Variants in RFX1 observed in about 807,000 individuals in gnomAD.
The protein encoded by RFX1 is regulatory factor X1, also known as MHC class II regulatory factor RFX1.
In RFX1, 42 loss-of-function variants were observed where a neutral mutation model predicts 119.6. That is an observed-to-expected ratio of 0.35 (90% CI 0.27 to 0.45). The LOEUF (loss-of-function observed/expected upper bound fraction) is 0.45. RFX1 is among the 20% of genes least tolerant of loss of function. RFX1 has a pLI of 1.00. For synonymous variants in RFX1, 628 were observed against 618.5 expected (o/e 1.02, Z -0.23); for missense variants, 1,118 against 1,368.1 (o/e 0.82, Z 2.88).
At chr19:13,977,542 G>A (rs891544102) in intron 8 of RFX1, among the ~76,000 whole-genome samples, 4 of 151,600 alleles carry the variant, frequency 2.6e-5, no homozygotes, top group African/African-American at 9.7e-5. Context: ...TCAGCCTCCC[G>A]AGTAGCTGGA....
intron 1 of RFX1, among the ~76,000 whole-genome samples, chr19:13,996,157 G>A (rs539372873): frequency 2.9e-4 from 44 of 152,314 alleles, no homozygotes; most frequent in African/African-American, 9.4e-4. Flanking sequence ...GCAGGGGATC[G>A]GCAGATGGTT....
chr19:13,990,163 A>G lies in RFX1; in HGVS notation c.319+3362T>C, dbSNP rs1374949371. 6.6e-6 allele frequency among the ~76,000 whole-genome samples: 1 copy of G among 151,976 alleles called. No homozygotes were observed. The highest frequency in any genetic ancestry group is 1.5e-5 in the Non-Finnish European group (1 of 67,996). On this transcript the variant is annotated intron_variant, in intron 2 of 20. Coordinates refer to ENST00000254325, the MANE Select transcript of RFX1 (RefSeq NM_002918.5). This position sits in a 1 kb window ranked among gnomAD's most constrained non-coding sequence, Gnocchi z 4.1. The stretch of plus-strand genomic sequence containing the variant: ...CAGGATGAGGCCATCGTTAAGGGAG[A>G]ACTACAGGAGCTAAGAGAGGTTCCC...
chr19:13,983,129 G>C, intron 4 of RFX1, 58 bp downstream of exon 4: 1 of 1,298,490 alleles, frequency 7.7e-7, no homozygotes, highest in Non-Finnish European at 1.1e-6. Flanking sequence ...GCCACAGGGG[G>C]TTGGTCCTCC....
In RFX1 at chr19:13,962,623, A is replaced by G; in HGVS notation, c.*72T>C. 8.1e-7 allele frequency: 1 copy of G among 1,230,246 alleles called. No homozygotes were observed. The highest frequency in any genetic ancestry group is 1.1e-6 in the Non-Finnish European group (1 of 932,196). 76.2% of individuals were successfully genotyped at this position (1,230,246 alleles called of 1,614,324 possible). Reference sequence around the variant, plus strand: ...GGCTGAGGCTGGAGCAGTGACCACGAAGCCACAGAAGCTTTGAGGGACCCT... The same window carrying G: ...GGCTGAGGCTGGAGCAGTGACCACGGAGCCACAGAAGCTTTGAGGGACCCT... On this transcript the variant is annotated 3_prime_UTR_variant, in exon 21 of 21. Transcript: ENST00000254325.
intron 1 of RFX1, among the ~76,000 whole-genome samples, chr19:14,005,041 G>C (rs1249873835): frequency 2.0e-5 from 3 of 152,162 alleles, no homozygotes; most frequent in Non-Finnish European, 4.4e-5. Context: ...GCCAAGAGAA[G>C]CGGGTTTAAA....
rs754267216 is a variant in RFX1, at chr19:13,963,262, G to T, written c.2584C>A (p.Arg862=). The T allele has an allele frequency of 1.2e-6, 2 of 1,609,904 alleles. No individual in the cohort carries two copies. Among genetic ancestry groups the T allele is most frequent in the Non-Finnish European group, 1.7e-6 (2 of 1,179,116 alleles). The change falls in exon 19 of 21, where the codon CGG becomes AGG. Residue 862 remains arginine, a synonymous_variant. Coordinates refer to ENST00000254325, the MANE Select transcript of RFX1 (RefSeq NM_002918.5). ...KWSFYSSMVI[R]DLTLRSAASF... ...GCGGCGCTGCGCAGGGTCAGGTCCC[G>T]GATCACCATGGAGCTGGGGATGGAG... is the stretch of plus-strand genomic sequence containing the variant.
At chr19:13,972,681 G>A (rs534294064) in intron 9 of RFX1, 62 bp downstream of exon 9, 4 of 1,339,934 alleles carry the variant, frequency 3.0e-6, no homozygotes, top group South Asian at 2.7e-5. Context: ...CATGGACTGG[G>A]CTTCTAGTGC....
intron 1 of RFX1, chr19:13,998,294 G>A (rs955450735): frequency 6.6e-6 from 1 of 152,232 alleles, no homozygotes; most frequent in African/African-American, 2.4e-5. Context: ...AGACCAGTCT[G>A]GCCAACATGG....
Position 13,965,605 on chromosome 19 carries a change from C to T in RFX1, c.2113+21G>A. The T allele has an allele frequency of 6.2e-7, 1 of 1,612,056 alleles. No homozygotes were observed. Among genetic ancestry groups the T allele is most frequent in the Middle Eastern group, 1.7e-4 (1 of 6,042 alleles). ...GCGGGTGTATGTGGGGCAGGGGATGCCGAGCAGGCCGAGCACTCACTGGGG... is the reference window on the plus strand; with the variant it reads ...GCGGGTGTATGTGGGGCAGGGGATGTCGAGCAGGCCGAGCACTCACTGGGG... On this transcript the variant is annotated intron_variant, in intron 15 of 20. Coordinates refer to ENST00000254325, the MANE Select transcript of RFX1 (RefSeq NM_002918.5). The surrounding 1 kb of genome is among the most constrained non-coding windows in gnomAD (Gnocchi z 4.7).
chr19:13,970,661 CAAAAAAAAAAAAAAAAAAAAAAA>C (rs1167910642), intron 9 of RFX1, among the ~76,000 whole-genome samples: 1 of 25,822 alleles, frequency 3.9e-5, no homozygotes, highest in Non-Finnish European at 7.6e-5. Context: ...GACCTTGTCT[CAAAAAAAAAAAAAAAAAAAAAAA>C]AAAAAAAAAA....
rs190755331 is a variant in RFX1, at chr19:13,983,662, C to G, written c.320-67G>C. The G allele has an allele frequency of 1.1e-4, 154 of 1,360,566 alleles. No individual in the cohort carries two copies. The African/African-American group carries it at 1.6e-3, about 14-fold the overall frequency. The allele number at this position is 1,360,566 out of a possible 1,614,324, so 84.3% of individuals were successfully genotyped here. A position where few individuals can be genotyped will look rare whatever the true frequency, so the allele number is the denominator to read the frequency against. ...TGCCCCCAGCCTAAGCCTGAGCCCC[C>G]CTGGAGGGGAAGATGCAGCCTGAAG... On this transcript the variant is annotated intron_variant, in intron 2 of 20. Coordinates refer to ENST00000254325, the MANE Select transcript of RFX1 (RefSeq NM_002918.5).
intron 7 of RFX1, among the ~76,000 whole-genome samples, chr19:13,979,094 G>C (rs966906915): frequency 6.6e-6 from 1 of 151,920 alleles, no homozygotes; most frequent in Non-Finnish European, 1.5e-5. Flanking sequence ...AGGACAAACA[G>C]AGACACTGGG....
At chr19:13,997,061 C>CA (rs978158741) in intron 1 of RFX1, among the ~76,000 whole-genome samples, 26 of 149,544 alleles carry the variant, frequency 1.7e-4, no homozygotes, top group African/African-American at 5.9e-4. Context: ...GGCATCTTGC[C>CA]GGTCTTCCAA....
chr19:14,001,771 C>T (rs550137261), intron 1 of RFX1, among the ~76,000 whole-genome samples: 3 of 152,342 alleles, frequency 2.0e-5, no homozygotes, highest in Admixed American at 6.5e-5. Context: ...GAGGCTGAGG[C>T]GGGCAGATCG....
In RFX1 at chr19:13,994,472, T is replaced by G. The variant is rs545910366; in HGVS notation, c.-52-577A>C. On this transcript the variant is annotated intron_variant, in intron 1 of 20. Transcript: ENST00000254325. ...GGCTCATGCCTGCAATTCCAGCACT[T>G]TGGGAGGCCGAGGTGAGCGGATCAC... 2.0e-5 allele frequency among the ~76,000 whole-genome samples: 3 copies of G among 152,118 alleles called. No homozygotes were observed. The East Asian group carries it at 5.8e-4, about 29-fold the overall frequency.
intron 2 of RFX1, among the ~76,000 whole-genome samples, chr19:13,988,715 G>A (rs879616936): frequency 1.1e-4 from 16 of 152,184 alleles, no homozygotes; most frequent in Non-Finnish European, 2.4e-4. Flanking sequence ...GTAACTTCAA[G>A]TAGTGTTAAG....
At chr19:13,964,600 G>A (rs1356085951) in intron 16 of RFX1, among the ~76,000 whole-genome samples, 1 of 152,122 alleles carries the variant, frequency 6.6e-6, no homozygotes, top group Non-Finnish European at 1.5e-5. Context: ...TCGTGCCTCA[G>A]CCTCCTGGGT....
rs768449350 is a variant in RFX1 at position 13,963,913 on chromosome 19, G to A, written c.2306C>T (p.Ala769Val). The change falls in exon 17 of 21, where the codon GCA becomes GTA. Residue 769 changes from alanine (A) to valine (V), a missense_variant. This residue lies in a region of RFX1 where 338 missense variants were observed against 508.9 expected (regional missense o/e 0.66). Coordinates refer to ENST00000254325, the MANE Select transcript of RFX1 (RefSeq NM_002918.5). Reference protein sequence around the residue: ...QAARAVLQNTAQINQMLSDLN... With the variant: ...QAARAVLQNTVQINQMLSDLN... ...GTCGCTCAGCATCTGGTTGATCTGT[G>A]CGGTGTTCTGCAGCACAGCGCGCGC... The A allele has an allele frequency of 6.5e-7, 1 of 1,549,330 alleles. No homozygotes were observed.
Position 13,986,910 on chromosome 19 carries a change from TG to T in RFX1, c.320-3316del, listed in dbSNP as rs1974616151. On this transcript the variant is annotated intron_variant, in intron 2 of 20. Transcript: ENST00000254325. The surrounding 1 kb of genome is among the most constrained non-coding windows in gnomAD (Gnocchi z 4.2). ...AGACAGATGGGGCCACCTGACCCTC[TG>T]CCTCCTGCCCCTGGGCTCCCTGGGA... is the stretch of plus-strand genomic sequence containing the variant. 6.6e-6 allele frequency among the ~76,000 whole-genome samples: 1 copy of T among 152,126 alleles called. No homozygotes were observed. Among genetic ancestry groups the T allele is most frequent in the East Asian group, 1.9e-4 (1 of 5,178 alleles).
Sources: gnomAD v4.1 joint callset for allele counts (sites outside exome capture counted in the v4.1 genomes callset) on GRCh38, gnomAD v4.1.1 for gene constraint, gnomAD v4.1.1 regional missense constraint, Gnocchi (gnomAD v3.1) non-coding constraint, MANE v1.5 for transcripts, NCBI Gene and HGNC (gene_info 2026-07-23, HGNC 2026-07-21) for gene names.